The following EMB variants were observed in gnomAD, a reference collection of about 807,000 sequenced individuals.
The protein encoded by EMB is embigin homolog.
A neutral mutation model predicts 41.4 loss-of-function variants in EMB; 31 were observed. The ratio of observed to expected loss-of-function variants is 0.75; its 90% CI spans 0.56 to 1.01. The LOEUF is 1.01. EMB is among the 50% of genes least tolerant of loss of function. The probability of loss-of-function intolerance (pLI) is 0.00; values close to 1 mark genes in which losing one functional copy is unlikely to be tolerated. For synonymous variants in EMB, 137 were observed against 140.4 expected (o/e 0.98, Z 0.17); for missense variants, 379 against 388.3 (o/e 0.98, Z 0.20).
At chr5:50,428,301 G>T in intron 1 of EMB, 74 bp from the exon 2 acceptor site, 2 of 1,350,184 alleles carry the variant, frequency 1.5e-6, no homozygotes, top group South Asian at 1.3e-5. Context: ...CTTTGAAACA[G>T]CTAAAACACT....
At chr5:50,419,943 A>G (rs932102230) in intron 2 of EMB, among the ~76,000 whole-genome samples, 1 of 152,108 alleles carries the variant, frequency 6.6e-6, no homozygotes, top group African/African-American at 2.4e-5. Flanking sequence ...AAAACCAAAT[A>G]CCGCATGTTC....
chr5:50,414,001 A>G (rs912116139), intron 2 of EMB, among the ~76,000 whole-genome samples: 1 of 152,210 alleles, frequency 6.6e-6, no homozygotes, highest in Non-Finnish European at 1.5e-5. Flanking sequence ...GAACTGTAAT[A>G]TTTAGGGATG....
chr5:50,440,884 G>A (rs1745897258), intron 1 of EMB, among the ~76,000 whole-genome samples, 156 bp downstream of exon 1: 1 of 152,074 alleles, frequency 6.6e-6, no homozygotes, highest in Non-Finnish European at 1.5e-5. Context: ...GTAGCTAATG[G>A]GAGGCCGCCG....
At chr5:50,429,082 G>A (rs539582401) in intron 1 of EMB, among the ~76,000 whole-genome samples, 1 of 152,166 alleles carries the variant, frequency 6.6e-6, no homozygotes, top group Admixed American at 6.5e-5. Context: ...TTTTAGTAGA[G>A]ATGGGGTTTC....
At chr5:50,407,154 GTTTC>G (rs1745262215) in intron 4 of EMB, among the ~76,000 whole-genome samples, 1 of 151,894 alleles carries the variant, frequency 6.6e-6, no homozygotes, top group African/African-American at 2.4e-5. Flanking sequence ...ATCTCTACAT[GTTTC>G]TTTCTGGCAA....
At chr5:50,440,002 T>C (rs780951602) in intron 1 of EMB, among the ~76,000 whole-genome samples, 5 of 152,120 alleles carry the variant, frequency 3.3e-5, no homozygotes, top group Non-Finnish European at 5.9e-5. Context: ...CAGGTGAAGG[T>C]AGAATGGCAA....
At chr5:50,440,043 C>G (rs528674368) in intron 1 of EMB, among the ~76,000 whole-genome samples, 1 of 152,118 alleles carries the variant, frequency 6.6e-6, no homozygotes, top group Non-Finnish European at 1.5e-5. Context: ...ATGTTTTGCA[C>G]GTAATCCCTC....
At chr5:50,441,981 C>G (rs1475292815), upstream of EMB, among the ~76,000 whole-genome samples, 3 of 152,162 alleles carry the variant, frequency 2.0e-5, no homozygotes, top group African/African-American at 7.2e-5. Flanking sequence ...AAGGCTGTAG[C>G]TTGGAATATT....
At position 50,430,034 on chromosome 5, in the gene EMB, T is replaced by C. The variant is rs192236434; in HGVS notation, c.113-1807A>G. Among the ~76,000 whole-genome samples the C allele has an allele frequency of 8.2e-5, 12 of 146,504 alleles. No individual in the cohort carries two copies. In the East Asian group the frequency reaches 2.1e-3, roughly 25 times the overall value. On this transcript the variant is annotated intron_variant, in intron 1 of 8. Transcript: ENST00000303221. ...ACACACACACACACACAAACACACA[T>C]ATACACACTGCTTAAAAGAAAGGCT...
chr5:50,422,926 G>C (rs1745549462), intron 2 of EMB, among the ~76,000 whole-genome samples: 1 of 152,050 alleles, frequency 6.6e-6, no homozygotes, highest in African/African-American at 2.4e-5. Flanking sequence ...TTCTAACTGA[G>C]CAACTCTACT....
chr5:50,431,151 C>T (rs772167684), intron 1 of EMB, among the ~76,000 whole-genome samples: 3 of 152,070 alleles, frequency 2.0e-5, no homozygotes, highest in Non-Finnish European at 2.9e-5. Flanking sequence ...TCAGGTTCCA[C>T]GGAAAAAGTG....
intron 1 of EMB, chr5:50,428,864 T>G: frequency 3.5e-6 from 1 of 283,716 alleles, no homozygotes; most frequent in Non-Finnish European, 5.3e-6. Context: ...CTCTTCGAAG[T>G]TACTTTATTT....
At chr5:50,420,137 C>T (rs932155846) in intron 2 of EMB, among the ~76,000 whole-genome samples, 3 of 152,036 alleles carry the variant, frequency 2.0e-5, no homozygotes, top group African/African-American at 7.2e-5. Context: ...ACACGTTTAC[C>T]TATGTAACAA....
At chr5:50,413,207 A>T (rs543178624) in intron 2 of EMB, among the ~76,000 whole-genome samples, 36 of 152,384 alleles carry the variant, frequency 2.4e-4, no homozygotes, top group African/African-American at 8.7e-4. Context: ...ACAGTAGAGA[A>T]AATAAACGTT....
rs184022229 is a variant in EMB, at chr5:50,432,906, G to A, written c.113-4679C>T. On this transcript the variant is annotated intron_variant, in intron 1 of 8. Coordinates refer to ENST00000303221, the MANE Select transcript of EMB (RefSeq NM_198449.3). ...AGCCTGGCCAGCATGGTGAAACCCC[G>A]TCTCTACTAAAAATACAAAAAATTA... 3.9e-3 allele frequency among the ~76,000 whole-genome samples: 586 copies of A among 151,912 alleles called. 7 individuals are homozygous for A. The highest frequency in any genetic ancestry group is 0.012 in the African/African-American group (511 of 41,430).
intron 2 of EMB, among the ~76,000 whole-genome samples, chr5:50,420,073 T>C (rs543217719): frequency 1.6e-3 from 251 of 152,254 alleles, no homozygotes; most frequent in African/African-American, 5.8e-3. Flanking sequence ...AGCTAATGCA[T>C]GCTGGGCTTA....
chr5:50,399,145 G>A lies in EMB; in HGVS notation c.*128C>T, dbSNP rs1745117574. Reference sequence around the variant, plus strand: ...ATATATCGTTGATGAAGCTCCTGCTGAGCATGTTGCATAAGCTTTTCATCC... The same window carrying A: ...ATATATCGTTGATGAAGCTCCTGCTAAGCATGTTGCATAAGCTTTTCATCC... On this transcript the variant is annotated 3_prime_UTR_variant, in exon 9 of 9. Transcript: ENST00000303221. The A allele has an allele frequency of 1.5e-6, 2 of 1,307,030 alleles. No homozygotes were observed. Among genetic ancestry groups the A allele is most frequent in the African/African-American group, 3.0e-5 (2 of 66,598 alleles). 81.0% of individuals were successfully genotyped at this position (1,307,030 alleles called of 1,614,324 possible).
chr5:50,426,097 A>G (rs1745606956), intron 2 of EMB, among the ~76,000 whole-genome samples: 1 of 152,240 alleles, frequency 6.6e-6, no homozygotes, highest in Non-Finnish European at 1.5e-5. Flanking sequence ...AAAAATAAAT[A>G]TACTTGATTT....
intron 1 of EMB, among the ~76,000 whole-genome samples, chr5:50,432,986 G>A (rs1045978328): frequency 6.6e-6 from 1 of 151,986 alleles, no homozygotes; most frequent in African/African-American, 2.4e-5. Context: ...GCTGAGACAG[G>A]AGAATTGCTT....
Sources: allele counts gnomAD v4.1 joint callset (sites outside exome capture counted in the v4.1 genomes callset), GRCh38; gene constraint gnomAD v4.1.1; transcripts MANE v1.5; gene names NCBI Gene and HGNC (gene_info 2026-07-23, HGNC 2026-07-21).